NDUFAF6: variants seen among roughly 807,000 people sequenced by gnomAD.
NDUFAF6 encodes the protein NADH:ubiquinone oxidoreductase complex assembly factor 6.
A neutral mutation model predicts 40.8 loss-of-function variants in NDUFAF6; 45 were observed. The ratio of observed to expected loss-of-function variants is 1.10; its 90% CI spans 0.87 to 1.42. The LOEUF is 1.42. Ranked by LOEUF, NDUFAF6 falls within the 40% of genes most tolerant of loss-of-function variation. The probability of loss-of-function intolerance (pLI) is 0.00; values close to 1 mark genes in which losing one functional copy is unlikely to be tolerated. For synonymous variants in NDUFAF6, 185 were observed against 155.9 expected (o/e 1.19, Z -1.39); for missense variants, 435 against 418.5 (o/e 1.04, Z -0.34).
chr8:95,072,681 G>A (rs1476435269), intron 9 of NDUFAF6: 1 of 152,366 alleles, frequency 6.6e-6, no homozygotes, highest in Non-Finnish European at 1.5e-5. Context: ...GGGCATTACT[G>A]GGGCACTAGT....
At chr8:94,992,765 C>A (rs1826251994) in intron 2 of NDUFAF6, among the ~76,000 whole-genome samples, 1 of 152,184 alleles carries the variant, frequency 6.6e-6, no homozygotes, top group South Asian at 2.1e-4. Context: ...TTTTGGTTCG[C>A]TCATAATTCT....
chr8:94,984,087 A>G (rs889987139), intron 2 of NDUFAF6: 23 of 152,222 alleles, frequency 1.5e-4, no homozygotes, highest in African/African-American at 5.5e-4. Context: ...AGTTGCTGTT[A>G]AGATAGAATG....
chr8:95,010,261 G>A (rs1827172675), intron 2 of NDUFAF6, among the ~76,000 whole-genome samples: 1 of 152,070 alleles, frequency 6.6e-6, no homozygotes, highest in African/African-American at 2.4e-5. Flanking sequence ...GCTAATTTTT[G>A]TATTTTTACT....
chr8:95,051,333 G>A (rs1025194334), intron 7 of NDUFAF6, among the ~76,000 whole-genome samples: 3 of 152,166 alleles, frequency 2.0e-5, no homozygotes, highest in Non-Finnish European at 2.9e-5. Context: ...GGGAGGAGAA[G>A]ATTTAAGAAA....
rs569186576 is a variant in NDUFAF6, at chr8:95,048,485, G to A, written c.743G>A (p.Arg248Gln). The change falls in exon 7 of 9, where the codon CGG (arginine) becomes CAG (glutamine). Residue 248 changes from arginine to glutamine, a missense_variant. Coordinates refer to ENST00000396124, the MANE Select transcript of NDUFAF6 (RefSeq NM_152416.4). ...LHGVSQEDFL[R>Q]RNQDKNVRDV... Reference sequence around the variant, plus strand: ...GGTGTTTCACAAGAGGACTTTCTACGGAGGAACCAAGATAAAAATGTGAGA... The same window carrying A: ...GGTGTTTCACAAGAGGACTTTCTACAGAGGAACCAAGATAAAAATGTGAGA... The A allele has an allele frequency of 1.5e-5, 24 of 1,613,906 alleles. No individual in the cohort carries two copies. The highest frequency in any genetic ancestry group is 4.0e-5 in the African/African-American group (3 of 75,006).
intron 2 of NDUFAF6, chr8:94,949,155 T>G (rs1230639017): frequency 1.4e-5 from 2 of 147,412 alleles, no homozygotes; most frequent in Non-Finnish European, 3.0e-5. Context: ...GGCACTTACG[T>G]GGGCCCGGGC....
chr8:94,969,483 G>T (rs1824284064), intron 1 of NDUFAF6, among the ~76,000 whole-genome samples: 1 of 152,102 alleles, frequency 6.6e-6, no homozygotes, highest in Non-Finnish European at 1.5e-5. Flanking sequence ...ATTGGATTTG[G>T]AAGGGAAATT....
At chr8:95,059,546 A>C (rs934357329), downstream of NDUFAF6, among the ~76,000 whole-genome samples, 1 of 152,190 alleles carries the variant, frequency 6.6e-6, no homozygotes. Context: ...CTTATCTTCA[A>C]ATGAAAATAC....
At chr8:94,954,348 A>G (rs1822891131), upstream of NDUFAF6, among the ~76,000 whole-genome samples, 1 of 152,212 alleles carries the variant, frequency 6.6e-6, no homozygotes, top group Non-Finnish European at 1.5e-5. Context: ...GGCATGAACC[A>G]CCACACCTGA....
chr8:95,070,023 C>A (rs1313139935), intron 9 of NDUFAF6, among the ~76,000 whole-genome samples: 1 of 151,616 alleles, frequency 6.6e-6, no homozygotes, highest in Non-Finnish European at 1.5e-5. Context: ...CTCCTTCACT[C>A]ATGAACTGTG....
At chr8:95,106,041 C>T (rs890660211), downstream of NDUFAF6, among the ~76,000 whole-genome samples, 7 of 151,388 alleles carry the variant, frequency 4.6e-5, no homozygotes, top group Non-Finnish European at 5.9e-5. Context: ...TTTGGGAGGC[C>T]GAGGTGGGCG....
chr8:94,904,264 C>G (rs1490684907), intron 1 of NDUFAF6, among the ~76,000 whole-genome samples: 1 of 149,590 alleles, frequency 6.7e-6, no homozygotes, highest in Non-Finnish European at 1.5e-5. Context: ...CTGCCTCAGC[C>G]TCCCGAGTAG....
intron 1 of NDUFAF6, among the ~76,000 whole-genome samples, chr8:94,964,542 G>A (rs996606714): frequency 1.3e-5 from 2 of 152,052 alleles, no homozygotes; most frequent in African/African-American, 4.8e-5. Flanking sequence ...ACCAACATCT[G>A]CTTCTGGTGA....
chr8:95,083,302 T>G, intron 2 of NDUFAF6, among the ~76,000 whole-genome samples: 1 of 152,242 alleles, frequency 6.6e-6, no homozygotes, highest in Non-Finnish European at 1.5e-5. Context: ...TATTTGTACC[T>G]GATCAGCTTT....
intron 2 of NDUFAF6, among the ~76,000 whole-genome samples, chr8:95,012,656 A>AAATAAATAAATAAATAAATG (rs1827273273): frequency 4.0e-5 from 6 of 151,514 alleles, no homozygotes; most frequent in Non-Finnish European, 8.8e-5. Context: ...ATAAATAAAT[A>AAATAAATAAATAAATAAATG]AATAAATAAA....
At chr8:94,948,009 A>C (rs982568512) in intron 2 of NDUFAF6, among the ~76,000 whole-genome samples, 1 of 152,208 alleles carries the variant, frequency 6.6e-6, no homozygotes, top group African/African-American at 2.4e-5. Context: ...ACTTCTGTTC[A>C]GTGACCCCAA....
At chr8:94,955,402 A>T (rs566675172), upstream of NDUFAF6, among the ~76,000 whole-genome samples, 23 of 152,014 alleles carry the variant, frequency 1.5e-4, no homozygotes, top group African/African-American at 5.3e-4. Context: ...TAACTAACCC[A>T]CTCCTGGGAT....
intron 4 of NDUFAF6, among the ~76,000 whole-genome samples, chr8:95,112,880 G>C (rs931382952): frequency 6.6e-6 from 1 of 152,276 alleles, no homozygotes; most frequent in African/African-American, 2.4e-5. Flanking sequence ...GATGCCCCAT[G>C]GGCTGACAAA....
chr8:94,933,088 T>G (rs772434973), intron 1 of NDUFAF6, among the ~76,000 whole-genome samples: 19 of 152,048 alleles, frequency 1.2e-4, no homozygotes, highest in Non-Finnish European at 2.6e-4. Flanking sequence ...GATGGTGGCA[T>G]GTGCCAGTAA....
Sources: gnomAD v4.1 joint callset for allele counts (sites outside exome capture counted in the v4.1 genomes callset) on GRCh38, gnomAD v4.1.1 for gene constraint, MANE v1.5 for transcripts, NCBI Gene and HGNC (gene_info 2026-07-23, HGNC 2026-07-21) for gene names.